TMEM132C: variants seen among roughly 807,000 people sequenced by gnomAD.
The protein encoded by TMEM132C is protein phosphatase 1, regulatory subunit 152.
Under a neutral mutation model 61.4 loss-of-function variants are expected in TMEM132C, and 29 were observed. The observed-to-expected ratio is 0.47, with a 90% CI of 0.35 to 0.64. The LOEUF is 0.64. TMEM132C is among the 30% of genes least tolerant of loss of function. The probability of loss-of-function intolerance (pLI) is 0.00; values close to 1 mark genes in which losing one functional copy is unlikely to be tolerated. For synonymous variants in TMEM132C, 656 were observed against 633.1 expected (o/e 1.04, Z -0.54); for missense variants, 1,408 against 1,476.9 (o/e 0.95, Z 0.76).
intron 3 of TMEM132C, among the ~76,000 whole-genome samples, chr12:128,598,728 T>G (rs1441254600): frequency 6.6e-6 from 1 of 152,088 alleles, no homozygotes; most frequent in Non-Finnish European, 1.5e-5. Flanking sequence ...TCTAACCCCC[T>G]GGGTTTAGTT....
Position 128,675,613 on chromosome 12 carries a change from G to GTC in TMEM132C, c.1449+6065_1449+6066dup, listed in dbSNP as rs368718935. Among the ~76,000 whole-genome samples, 96 of 152,062 alleles carry GTC rather than the reference G, an allele frequency of 6.3e-4. 1 individual carries two copies. Among genetic ancestry groups the GTC allele is most frequent in the Middle Eastern group, 6.8e-3 (2 of 294 alleles). Reference sequence around the variant, plus strand: ...ACCCATTTGCTTTTTCACAGTTTCAGTCTCTCTCTCTCTTTCTCTCTTCCC... The same window carrying GTC: ...ACCCATTTGCTTTTTCACAGTTTCAGTCTCTCTCTCTCTCTTTCTCTCTTCCC... On this transcript the variant is annotated intron_variant, in intron 5 of 8. Transcript: ENST00000435159.
chr12:128,528,302 GA>G (rs923410125), intron 2 of TMEM132C, among the ~76,000 whole-genome samples: 4 of 152,138 alleles, frequency 2.6e-5, no homozygotes, highest in African/African-American at 9.7e-5. Flanking sequence ...ACCACAGCAC[GA>G]TCTCTCCTCC....
At chr12:128,527,998 A>T (rs997845776) in intron 2 of TMEM132C, among the ~76,000 whole-genome samples, 8 of 152,182 alleles carry the variant, frequency 5.3e-5, no homozygotes, top group African/African-American at 1.9e-4. Context: ...GAGATTTTTT[A>T]AAAAGTAATT....
Position 128,415,283 on chromosome 12 carries a change from G to T in TMEM132C, c.637G>T (p.Gly213Trp), listed in dbSNP as rs753113900. 4 of 1,597,536 alleles carry T rather than the reference G, an allele frequency of 2.5e-6. No individual in the cohort carries two copies. In the East Asian group the frequency reaches 6.9e-5, roughly 27 times the overall value. Residue 213 changes from glycine (G) to tryptophan (W), a missense_variant, in exon 2 of 9, where the codon GGG becomes TGG. Coordinates refer to ENST00000435159, the MANE Select transcript of TMEM132C (RefSeq NM_001136103.3). This position sits in a 1 kb window ranked among gnomAD's most constrained non-coding sequence, Gnocchi z 5.8. ...SWFSAPTVGA[G>W]RKKSMDQPEG... ...GTTCAGTGCCCCGACGGTGGGTGCC[G>T]GGAGGAAGAAGTCCATGGACCAGCC...
rs934077723 is a variant in TMEM132C at position 128,285,386 on chromosome 12, CA to C, written c.85+17908del. 1.1e-3 allele frequency among the ~76,000 whole-genome samples: 169 copies of C among 149,356 alleles called. 1 individual carries two copies. Among genetic ancestry groups the C allele is most frequent in the African/African-American group, 3.1e-3 (128 of 40,710 alleles). ...TTTTAATTACAAATAGGAATGAAAA[CA>C]AAAAAAAAGACATTTTAGTAAATAA... is the stretch of plus-strand genomic sequence containing the variant. On this transcript the variant is annotated intron_variant, in intron 1 of 8. Transcript: ENST00000435159.
chr12:128,575,307 C>T (rs538510527), intron 3 of TMEM132C, among the ~76,000 whole-genome samples: 27 of 152,238 alleles, frequency 1.8e-4, no homozygotes, highest in South Asian at 8.3e-4. Flanking sequence ...GGTGAAACCC[C>T]ATCTCTACTG....
intron 1 of TMEM132C, among the ~76,000 whole-genome samples, chr12:128,384,643 G>A (rs1392686781): frequency 6.6e-6 from 1 of 152,122 alleles, no homozygotes; most frequent in Admixed American, 6.5e-5. Flanking sequence ...GGTTGGATCA[G>A]TCTTGTTCAG....
intron 4 of TMEM132C, among the ~76,000 whole-genome samples, chr12:128,632,257 G>A (rs1051687223): frequency 1.3e-5 from 2 of 149,160 alleles, no homozygotes; most frequent in African/African-American, 4.9e-5. Context: ...CACCAGTGCA[G>A]CAAGGATTAC....
chr12:128,554,089 T>C (rs1047921887), intron 3 of TMEM132C, among the ~76,000 whole-genome samples: 1 of 152,374 alleles, frequency 6.6e-6, no homozygotes, highest in Admixed American at 6.5e-5. Context: ...ACGTTGCCTT[T>C]TGGAAACCTT....
chr12:128,273,259 TTTG>T (rs1234322508), intron 1 of TMEM132C, among the ~76,000 whole-genome samples: 3 of 152,180 alleles, frequency 2.0e-5, no homozygotes, highest in Non-Finnish European at 1.5e-5. Flanking sequence ...TTAGGATTTT[TTTG>T]TTGTTGTTCA....
intron 5 of TMEM132C, among the ~76,000 whole-genome samples, chr12:128,685,282 C>T (rs1593147746): frequency 1.3e-5 from 2 of 152,328 alleles, no homozygotes; most frequent in East Asian, 3.9e-4. Context: ...TAGCAGAATG[C>T]ATCTGTCAGC....
At chr12:128,554,970 C>G (rs1353393776) in intron 3 of TMEM132C, among the ~76,000 whole-genome samples, 5 of 152,162 alleles carry the variant, frequency 3.3e-5, no homozygotes, top group Non-Finnish European at 7.3e-5. Context: ...GGGATCCACA[C>G]ACTTCCATAG....
chr12:128,301,717 A>G (rs1871600707), intron 1 of TMEM132C, among the ~76,000 whole-genome samples: 1 of 152,228 alleles, frequency 6.6e-6, no homozygotes, highest in Non-Finnish European at 1.5e-5. Context: ...ATGGGCTTCC[A>G]GTATTACTGG....
intron 1 of TMEM132C, 61 bp downstream of exon 1, chr12:128,267,548 C>T: frequency 8.4e-7 from 1 of 1,195,174 alleles, no homozygotes; most frequent in Non-Finnish European, 1.0e-6. Flanking sequence ...TCCGGGGGAG[C>T]TCGGGGTGAG....
chr12:128,694,026 C>T lies in TMEM132C; in HGVS notation c.1647C>T (p.Thr549=), dbSNP rs1297375842. The change falls in exon 6 of 9, where the codon ACC becomes ACT. Residue 549 remains threonine, a synonymous_variant. Coordinates refer to ENST00000435159, the MANE Select transcript of TMEM132C (RefSeq NM_001136103.3). ...AGGGCTGGAGGGTCCCCATTGTGAC[C>T]AATAAGAGGTGAGCCTCGGATGGGG... is the stretch of plus-strand genomic sequence containing the variant. ...QIKGWRVPIV[T]NKRPTRESED... 6.4e-7 allele frequency: 1 copy of T among 1,551,578 alleles called. No individual in the cohort carries two copies. The highest frequency in any genetic ancestry group is 8.7e-7 in the Non-Finnish European group (1 of 1,146,960).
intron 1 of TMEM132C, among the ~76,000 whole-genome samples, chr12:128,393,750 C>T (rs1023329112): frequency 1.3e-5 from 2 of 152,118 alleles, no homozygotes; most frequent in Non-Finnish European, 2.9e-5. Context: ...CTCATGGTCA[C>T]AAAAAGGCTG....
intron 1 of TMEM132C, among the ~76,000 whole-genome samples, chr12:128,395,776 T>C (rs1874929314): frequency 6.6e-6 from 1 of 152,222 alleles, no homozygotes; most frequent in South Asian, 2.1e-4. Flanking sequence ...AGAAAAATCC[T>C]ACGTTGCAGT....
chr12:128,528,779 C>A lies in TMEM132C; in HGVS notation c.975-15178C>A, dbSNP rs74563090. 1.0e-3 allele frequency among the ~76,000 whole-genome samples: 152 copies of A among 152,302 alleles called. 2 individuals are homozygous for A. The East Asian group carries it at 0.021, about 21-fold the overall frequency. ...CTGGAGCACAGAACACCCCTGAGAA[C>A]ACTGCTTAGACCATGGCTCACCGTG... On this transcript the variant is annotated intron_variant, in intron 2 of 8. Transcript: ENST00000435159.
At chr12:128,538,696 A>G (rs1179536343) in intron 2 of TMEM132C, among the ~76,000 whole-genome samples, 8 of 152,232 alleles carry the variant, frequency 5.3e-5, no homozygotes, top group Admixed American at 1.3e-4. Flanking sequence ...ATTTATAGGC[A>G]TATCACCGAG....
Sources: gnomAD v4.1 joint callset for allele counts (sites outside exome capture counted in the v4.1 genomes callset) on GRCh38, gnomAD v4.1.1 for gene constraint, Gnocchi (gnomAD v3.1) non-coding constraint, MANE v1.5 for transcripts, NCBI Gene and HGNC (gene_info 2026-07-23, HGNC 2026-07-21) for gene names.